The following XNDC1N variants were observed in gnomAD, a reference collection of about 807,000 sequenced individuals.
The protein encoded by XNDC1N is protein XNDC1N.
the XNDC1N span, among the ~76,000 whole-genome samples, chr11:71,866,064 A>G: frequency 1.3e-5 from 2 of 152,252 alleles, no homozygotes; most frequent in Non-Finnish European, 2.9e-5. Flanking sequence ...CACGTATAAA[A>G]TAATAGATCA....
At chr11:71,874,090 G>A in the XNDC1N span, among the ~76,000 whole-genome samples, 20 of 152,192 alleles carry the variant, frequency 1.3e-4, no homozygotes, top group Middle Eastern at 6.8e-3. Flanking sequence ...CAAGGCAGGC[G>A]GATCATCTGA....
At chr11:71,895,557 C>A in the XNDC1N span, among the ~76,000 whole-genome samples, 1 of 150,196 alleles carries the variant, frequency 6.7e-6, no homozygotes, top group Non-Finnish European at 1.5e-5. Context: ...GAACTCCCGA[C>A]CTCAGGTGAT....
the XNDC1N span, among the ~76,000 whole-genome samples, chr11:71,913,646 A>C: frequency 2.0e-5 from 3 of 148,830 alleles, no homozygotes; most frequent in Non-Finnish European, 3.0e-5. Context: ...GTGACAGAGC[A>C]AGACTCCGTC....
the XNDC1N span, among the ~76,000 whole-genome samples, chr11:71,901,136 C>T: frequency 9.2e-5 from 14 of 152,144 alleles, no homozygotes; most frequent in East Asian, 7.7e-4. Flanking sequence ...CAGGATCATT[C>T]GGGGCGCATC....
the XNDC1N span, among the ~76,000 whole-genome samples, chr11:71,887,832 C>T: frequency 1.1e-4 from 17 of 152,180 alleles, no homozygotes; most frequent in African/African-American, 3.4e-4. Context: ...TTGGGGTTCC[C>T]GCCAGCTGAG....
the XNDC1N span, among the ~76,000 whole-genome samples, chr11:71,905,004 G>T: frequency 6.6e-6 from 1 of 151,948 alleles, no homozygotes; most frequent in Non-Finnish European, 1.5e-5. Context: ...ATATCAGGGG[G>T]TGCACATACA....
the XNDC1N span, among the ~76,000 whole-genome samples, chr11:71,885,898 T>C: frequency 1.3e-5 from 2 of 150,852 alleles, no homozygotes; most frequent in Admixed American, 1.3e-4. Flanking sequence ...TTACCATTAG[T>C]ATAACTATTT....
At chr11:71,916,694 C>T in the XNDC1N span, 1 of 171,806 alleles carries the variant, frequency 5.8e-6, no homozygotes, top group Non-Finnish European at 1.3e-5. Flanking sequence ...ATATCACCAA[C>T]CCTCCACATC....
the XNDC1N span, among the ~76,000 whole-genome samples, chr11:71,873,247 A>T: frequency 6.6e-6 from 1 of 152,108 alleles, no homozygotes; most frequent in Non-Finnish European, 1.5e-5. Context: ...AAATGTCTTG[A>T]AAACCATAAA....
At chr11:71,900,664 G>C in the XNDC1N span, among the ~76,000 whole-genome samples, 2 of 152,152 alleles carry the variant, frequency 1.3e-5, no homozygotes, top group African/African-American at 4.8e-5. Context: ...TTATGAAGGT[G>C]ATGATGAGGA....
At chr11:71,887,646 A>ATC in the XNDC1N span, among the ~76,000 whole-genome samples, 1 of 152,210 alleles carries the variant, frequency 6.6e-6, no homozygotes. Flanking sequence ...ATCCAGGTCC[A>ATC]TCTCAAGCAC....
the XNDC1N span, chr11:71,893,440 T>A: frequency 2.8e-6 from 2 of 715,954 alleles, no homozygotes. Context: ...CAATCCTCTT[T>A]CCTTCTCAAG....
the XNDC1N span, among the ~76,000 whole-genome samples, chr11:71,893,053 C>G: frequency 3.9e-5 from 6 of 152,264 alleles, no homozygotes; most frequent in East Asian, 9.6e-4. Context: ...GTTGTAGCAC[C>G]GTGTCAGAAT....
the XNDC1N span, among the ~76,000 whole-genome samples, chr11:71,912,913 C>T: frequency 6.6e-6 from 1 of 152,124 alleles, no homozygotes; most frequent in African/African-American, 2.4e-5. Flanking sequence ...TGTACTCCCC[C>T]TTGCATATTG....
chr11:71,916,199 A>C, the XNDC1N span: 2 of 702,940 alleles, frequency 2.8e-6, no homozygotes, highest in Non-Finnish European at 2.6e-6. Context: ...GGTCGGGAGC[A>C]GGTCAGGCGA....
At chr11:71,913,518 G>T in the XNDC1N span, among the ~76,000 whole-genome samples, 1 of 152,164 alleles carries the variant, frequency 6.6e-6, no homozygotes, top group Admixed American at 6.5e-5. Context: ...AATTAGCCGG[G>T]TGTGGTGGTG....
chr11:71,888,459 C>G, the XNDC1N span, among the ~76,000 whole-genome samples: 11 of 152,180 alleles, frequency 7.2e-5, no homozygotes, highest in Non-Finnish European at 4.4e-5. Flanking sequence ...GCAAGGCTTT[C>G]ATGAGTTAAA....
the XNDC1N span, among the ~76,000 whole-genome samples, chr11:71,915,563 G>T: frequency 6.6e-6 from 1 of 152,160 alleles, no homozygotes; most frequent in Non-Finnish European, 1.5e-5. Flanking sequence ...TCATGATCTG[G>T]AACCAAACCT....
the XNDC1N span, among the ~76,000 whole-genome samples, chr11:71,909,454 A>AT: frequency 6.6e-6 from 1 of 152,142 alleles, no homozygotes; most frequent in Non-Finnish European, 1.5e-5. Context: ...CCCTCAGCTC[A>AT]AAAGAAAACA....
Sources: gnomAD v4.1 joint callset for allele counts (sites outside exome capture counted in the v4.1 genomes callset) on GRCh38, gnomAD v4.1.1 for gene constraint, MANE v1.5 for transcripts, NCBI Gene and HGNC (gene_info 2026-07-23, HGNC 2026-07-21) for gene names.